Variants in LMNTD1 observed in about 807,000 individuals in gnomAD.
LMNTD1 encodes the protein lamin tail domain containing 1, also known as lamin tail domain-containing protein 1.
Under a neutral mutation model 50.9 loss-of-function variants are expected in LMNTD1, and 35 were observed. The ratio of observed to expected loss-of-function variants is 0.69; its 90% CI spans 0.53 to 0.91. The LOEUF (loss-of-function observed/expected upper bound fraction) is 0.91. Among genes scored for constraint, LMNTD1 ranks in the 40% least tolerant of loss-of-function variants. The probability of loss-of-function intolerance (pLI) is 0.00; values close to 1 mark genes in which losing one functional copy is unlikely to be tolerated. For missense variants in LMNTD1, 470 were observed against 475.5 expected (o/e 0.99, Z 0.11); for synonymous variants, 153 against 161.9 (o/e 0.94, Z 0.42).
intron 1 of LMNTD1, among the ~76,000 whole-genome samples, chr12:25,614,508 C>T (rs1946312718): frequency 6.6e-6 from 1 of 152,126 alleles, no homozygotes; most frequent in Non-Finnish European, 1.5e-5. Context: ...TTTAATCTAC[C>T]CTCCAAGATA....
intron 1 of LMNTD1, among the ~76,000 whole-genome samples, chr12:25,616,903 A>G (rs1468715372): frequency 3.9e-5 from 6 of 152,214 alleles, no homozygotes; most frequent in Non-Finnish European, 5.9e-5. Flanking sequence ...GGAATGTTCT[A>G]TATCTTGAAT....
intron 1 of LMNTD1, among the ~76,000 whole-genome samples, chr12:25,569,572 T>C (rs947182811): frequency 6.6e-6 from 1 of 152,168 alleles, no homozygotes; most frequent in Non-Finnish European, 1.5e-5. Context: ...GTTTGGATAT[T>C]TGTCCCCACC....
chr12:25,536,731 G>A (rs895597923), intron 4 of LMNTD1, among the ~76,000 whole-genome samples: 1 of 152,222 alleles, frequency 6.6e-6, no homozygotes, highest in African/African-American at 2.4e-5. Flanking sequence ...GAGCCAAGAT[G>A]GCCAAATAGG....
intron 1 of LMNTD1, among the ~76,000 whole-genome samples, chr12:25,564,753 A>G (rs1944482699): frequency 6.6e-6 from 1 of 152,212 alleles, no homozygotes; most frequent in African/African-American, 2.4e-5. Flanking sequence ...CTTCTGGTCT[A>G]TAGTGTATAT....
intron 9 of LMNTD1, among the ~76,000 whole-genome samples, chr12:25,489,403 G>A (rs1039443989): frequency 2.6e-5 from 4 of 151,622 alleles, no homozygotes; most frequent in Non-Finnish European, 5.9e-5. Flanking sequence ...AGGTGCGTCC[G>A]TCACCCCTTT....
At chr12:25,624,831 C>G (rs1379209381) in intron 1 of LMNTD1, among the ~76,000 whole-genome samples, 1 of 152,218 alleles carries the variant, frequency 6.6e-6, no homozygotes, top group African/African-American at 2.4e-5. Context: ...ATCACTTCTA[C>G]AAATAAGTTA....
intron 9 of LMNTD1, among the ~76,000 whole-genome samples, chr12:25,485,270 T>C (rs201504670): frequency 0.21 from 31,337 of 145,968 alleles, 3,517 homozygotes; most frequent in Non-Finnish European, 0.25. Flanking sequence ...GGTGAGCATT[T>C]TTTCATGTGT....
chr12:25,617,591 G>A (rs1029713557), intron 1 of LMNTD1, among the ~76,000 whole-genome samples: 1 of 152,174 alleles, frequency 6.6e-6, no homozygotes, highest in African/African-American at 2.4e-5. Context: ...TTTCTAGAGA[G>A]TGAAAATGGG....
chr12:25,589,145 T>C (rs1032391723), intron 1 of LMNTD1, among the ~76,000 whole-genome samples: 22 of 152,146 alleles, frequency 1.4e-4, no homozygotes, highest in African/African-American at 5.3e-4. Context: ...AGCAACATCA[T>C]TTATTATAGC....
intron 9 of LMNTD1, among the ~76,000 whole-genome samples, chr12:25,481,338 T>C (rs560175926): frequency 6.6e-6 from 1 of 152,066 alleles, no homozygotes; most frequent in Non-Finnish European, 1.5e-5. Flanking sequence ...ACAAGCTTCA[T>C]GAAGACAGAT....
intron 1 of LMNTD1, among the ~76,000 whole-genome samples, chr12:25,628,850 C>T (rs1946652520): frequency 6.6e-6 from 1 of 152,136 alleles, no homozygotes; most frequent in Non-Finnish European, 1.5e-5. Context: ...GGCTTCTGGA[C>T]TCCAGAACTG....
chr12:25,478,423 A>G (rs1392507251), intron 9 of LMNTD1, among the ~76,000 whole-genome samples: 2 of 152,228 alleles, frequency 1.3e-5, no homozygotes, highest in African/African-American at 2.4e-5. Context: ...AAGTCAATAA[A>G]TCTTACATGA....
chr12:25,561,764 C>G (rs1096014), intron 1 of LMNTD1, among the ~76,000 whole-genome samples: 114,645 of 151,970 alleles, frequency 0.75, 45,109 homozygotes, highest in Non-Finnish European at 0.89. Flanking sequence ...CATTATTATT[C>G]TGTGGGAGTC....
chr12:25,520,603 T>G lies in LMNTD1; in HGVS notation c.799-528A>C, dbSNP rs562890746. ...ACATTTTCTTTATCCATTTGTCTGT[T>G]GACAGACACTTAGGTTGTTTCCATA... On this transcript the variant is annotated intron_variant, in intron 6 of 9. Transcript: ENST00000458174. Among the ~76,000 whole-genome samples, 21 of 152,358 alleles carry G rather than the reference T, an allele frequency of 1.4e-4. 1 individual carries two copies. In the South Asian group the frequency reaches 4.1e-3, roughly 30 times the overall value.
intron 6 of LMNTD1, among the ~76,000 whole-genome samples, chr12:25,522,365 C>T (rs1301163306): frequency 6.6e-6 from 1 of 152,054 alleles, no homozygotes; most frequent in Non-Finnish European, 1.5e-5. Flanking sequence ...ATTGTAGGAA[C>T]TTGAGAGAAT....
At chr12:25,600,767 A>G (rs1945950591) in intron 1 of LMNTD1, among the ~76,000 whole-genome samples, 1 of 152,084 alleles carries the variant, frequency 6.6e-6, no homozygotes, top group Admixed American at 6.6e-5. Flanking sequence ...CATCTCAGTT[A>G]AAATGGCTTT....
chr12:25,639,903 T>C (rs1260689845), intron 1 of LMNTD1, among the ~76,000 whole-genome samples: 1 of 152,196 alleles, frequency 6.6e-6, no homozygotes, highest in Non-Finnish European at 1.5e-5. Flanking sequence ...CAACCCAATG[T>C]CCATAAATTG....
chr12:25,517,916 G>A (rs1404883251), intron 8 of LMNTD1, among the ~76,000 whole-genome samples: 1 of 151,924 alleles, frequency 6.6e-6, no homozygotes, highest in Non-Finnish European at 1.5e-5. Context: ...TTGTGATTTC[G>A]TGGTGTCTTA....
At chr12:25,504,681 G>C (rs1274103104) in intron 8 of LMNTD1, among the ~76,000 whole-genome samples, 1 of 152,140 alleles carries the variant, frequency 6.6e-6, no homozygotes, top group Non-Finnish European at 1.5e-5. Flanking sequence ...TTTTATTACA[G>C]AGAAACAATA....
Sources: gnomAD v4.1 joint callset for allele counts (sites outside exome capture counted in the v4.1 genomes callset) on GRCh38, gnomAD v4.1.1 for gene constraint, MANE v1.5 for transcripts, NCBI Gene and HGNC (gene_info 2026-07-23, HGNC 2026-07-21) for gene names.